The following NLRP9 variants were observed in gnomAD, a reference collection of about 807,000 sequenced individuals.
NLRP9 encodes NLR family pyrin domain containing 9, also known as NACHT, LRR and PYD domains-containing protein 9.
Under a neutral mutation model 83.1 loss-of-function variants are expected in NLRP9, and 88 were observed. The observed-to-expected ratio is 1.06, with a 90% confidence interval of 0.89 to 1.26. The LOEUF (loss-of-function observed/expected upper bound fraction) is 1.26. NLRP9 is among the 50% of genes most tolerant of loss of function. The pLI is 0.00. For missense variants in NLRP9, 1,308 were observed against 1,179.3 expected (o/e 1.11, Z -1.60); for synonymous variants, 521 against 447.6 (o/e 1.16, Z -2.07).
rs773321347 is a variant in NLRP9 at position 55,708,615 on chromosome 19, A to G, written c.*297T>C. On this transcript the variant is annotated 3_prime_UTR_variant, in exon 9 of 9. Transcript: ENST00000332836. ...CTCCTACACACCAAGACATCCATTA[A>G]GAAAATAAAGCCATGCTTTCCAGAG... 7 of 222,242 alleles carry G rather than the reference A, an allele frequency of 3.1e-5. No individual in the cohort carries two copies. Among genetic ancestry groups the G allele is most frequent in the Non-Finnish European group, 5.3e-5 (6 of 114,226 alleles). 13.8% of individuals were successfully genotyped at this position (222,242 alleles called of 1,614,324 possible).
chr19:55,718,784 T>A (rs1294490024), intron 4 of NLRP9, among the ~76,000 whole-genome samples: 1 of 152,214 alleles, frequency 6.6e-6, no homozygotes, highest in African/African-American at 2.4e-5. Flanking sequence ...GGGCCCACTG[T>A]TCTTTCTCTA....
At chr19:55,719,137 G>A (rs1277321184) in intron 4 of NLRP9, among the ~76,000 whole-genome samples, 1 of 152,164 alleles carries the variant, frequency 6.6e-6, no homozygotes, top group Admixed American at 6.6e-5. Context: ...ATACATGGGG[G>A]TTCCCCTGAC....
At chr19:55,718,862 G>C (rs568436130) in intron 4 of NLRP9, among the ~76,000 whole-genome samples, 5 of 152,210 alleles carry the variant, frequency 3.3e-5, no homozygotes, top group Admixed American at 2.0e-4. Context: ...ATACCCACAG[G>C]TGTGGAGGGG....
intron 4 of NLRP9, 27 bp from the exon 5 acceptor site, chr19:55,716,925 C>A: frequency 6.3e-7 from 1 of 1,599,092 alleles, no homozygotes; most frequent in South Asian, 1.1e-5. Flanking sequence ...CACCATGAGA[C>A]GGACCAAAGC....
At chr19:55,710,398 G>A (rs1364926807) in intron 8 of NLRP9, among the ~76,000 whole-genome samples, 3 of 151,964 alleles carry the variant, frequency 2.0e-5, no homozygotes, top group African/African-American at 7.3e-5. Flanking sequence ...GTTTTGCTGT[G>A]CCCCCTTCAC....
chr19:55,712,059 C>CGGCAG (rs1170562838), intron 7 of NLRP9, 89 bp from the exon 8 acceptor site: 5 of 1,293,708 alleles, frequency 3.9e-6, no homozygotes, highest in Non-Finnish European at 5.5e-6. Context: ...ACACACCTCC[C>CGGCAG]GGCAGGACGC....
rs1987964550 is a variant in NLRP9 at position 55,715,239 on chromosome 19, C to A, written c.2331-14G>T. 3 of 1,609,514 alleles carry A rather than the reference C, an allele frequency of 1.9e-6. No individual in the cohort carries two copies. The highest frequency in any genetic ancestry group is 2.5e-6 in the Non-Finnish European group (3 of 1,177,534). Reference sequence around the variant, plus strand: ...CAGTACATCAACCTGCAAAGAAACACACCGTCTCCCAGCCTGCTGAACAGC... The same window carrying A: ...CAGTACATCAACCTGCAAAGAAACAAACCGTCTCCCAGCCTGCTGAACAGC... On this transcript the variant is annotated splice_polypyrimidine_tract_variant and intron_variant, in intron 5 of 8. Transcript: ENST00000332836.
intron 8 of NLRP9, among the ~76,000 whole-genome samples, chr19:55,710,961 C>T (rs1987687082): frequency 1.3e-5 from 2 of 152,086 alleles, no homozygotes; most frequent in South Asian, 4.2e-4. Context: ...TGGTGAGTGC[C>T]TGTAATCCCA....
intron 1 of NLRP9, among the ~76,000 whole-genome samples, chr19:55,734,273 A>G (rs903689417): frequency 6.7e-6 from 1 of 149,438 alleles, no homozygotes; most frequent in African/African-American, 2.5e-5. Context: ...CTGAGGCACA[A>G]GAATTGCTTG....
At chr19:55,736,369 C>T (rs774080286) in intron 1 of NLRP9, among the ~76,000 whole-genome samples, 5 of 152,018 alleles carry the variant, frequency 3.3e-5, no homozygotes, top group Non-Finnish European at 5.9e-5. Flanking sequence ...CCAGCCTGGG[C>T]GACAGAGCGA....
rs1988360473 is a variant in NLRP9, at chr19:55,725,110, T to C, written c.1995-966A>G. 3.9e-5 allele frequency among the ~76,000 whole-genome samples: 6 copies of C among 152,218 alleles called. No homozygotes were observed. In the South Asian group the frequency reaches 1.0e-3, roughly 26 times the overall value. The stretch of plus-strand genomic sequence containing the variant: ...TAATGCCTGGAACATGGTCAATTCA[T>C]GCTGGCTTTTATTTTAATATCTACA... On this transcript the variant is annotated intron_variant, in intron 3 of 8. Transcript: ENST00000332836.
Position 55,732,544 on chromosome 19 carries a change from C to T in NLRP9, c.1287G>A (p.Val429=), listed in dbSNP as rs759935230. The T allele has an allele frequency of 1.9e-6, 3 of 1,614,092 alleles. No individual in the cohort carries two copies. Among genetic ancestry groups the T allele is most frequent in the Admixed American group, 1.7e-5 (1 of 59,996 alleles). Reference sequence around the variant, plus strand: ...CTCTCCTTTGGAGGAGTCTCATACCCACCCACATCACGCCCTCAGACTCAG... The same window carrying T: ...CTCTCCTTTGGAGGAGTCTCATACCTACCCACATCACGCCCTCAGACTCAG... ...GLSESEGVMW[V]GMRLLQRRGD... is the part of the protein sequence containing the mutation. Residue 429 remains valine (V), a synonymous_variant, in exon 2 of 9, where the codon GTG becomes GTA. Transcript: ENST00000332836.
intron 3 of NLRP9, 60 bp from the exon 4 acceptor site, chr19:55,724,204 A>C: frequency 8.6e-7 from 1 of 1,169,464 alleles, no homozygotes; most frequent in Non-Finnish European, 1.2e-6. Context: ...AAAGACAGAC[A>C]CCTCTTGTAC....
At chr19:55,711,105 A>AAC (rs1568590687) in intron 8 of NLRP9, among the ~76,000 whole-genome samples, 2 of 111,708 alleles carry the variant, frequency 1.8e-5, no homozygotes, top group Non-Finnish European at 3.6e-5. Flanking sequence ...AAACAAAACA[A>AAC]AACAAAAAAA....
chr19:55,732,848 C>CCATTAT lies in NLRP9; in HGVS notation c.977_982dup (p.Asp326_Asn327dup). On this transcript the variant is annotated inframe_insertion, in exon 2 of 9. Coordinates refer to ENST00000332836, the MANE Select transcript of NLRP9 (RefSeq NM_176820.4). ...ATTATGGCACAAGATAAACAGCGGCCCATTATCTCTCACAAAATTGAAGAC... is the reference window on the plus strand; with the variant it reads ...ATTATGGCACAAGATAAACAGCGGCCCATTATCATTATCTCTCACAAAATTGAAGAC... 1 of 1,614,054 alleles carries CCATTAT rather than the reference C, an allele frequency of 6.2e-7. No individual in the cohort carries two copies. The highest frequency in any genetic ancestry group is 8.5e-7 in the Non-Finnish European group (1 of 1,179,980).
At chr19:55,736,000 A>G (rs562629859) in intron 1 of NLRP9, among the ~76,000 whole-genome samples, 1 of 152,136 alleles carries the variant, frequency 6.6e-6, no homozygotes, top group East Asian at 1.9e-4. Flanking sequence ...ACCCTATGCT[A>G]TTTAATTGAA....
At chr19:55,723,460 T>C (rs1478757426) in intron 4 of NLRP9, among the ~76,000 whole-genome samples, 1 of 152,144 alleles carries the variant, frequency 6.6e-6, no homozygotes, top group African/African-American at 2.4e-5. Flanking sequence ...GTGGCTCATG[T>C]GAAGTACTGT....
At chr19:55,710,745 G>C (rs532101956) in intron 8 of NLRP9, among the ~76,000 whole-genome samples, 113 of 152,258 alleles carry the variant, frequency 7.4e-4, no homozygotes, top group African/African-American at 2.6e-3. Context: ...TATGCTTCTT[G>C]TACAGCCTGC....
At position 55,722,145 on chromosome 19, in the gene NLRP9, C is replaced by T. The variant is rs957334927; in HGVS notation, c.2159+1835G>A. Among the ~76,000 whole-genome samples the T allele has an allele frequency of 2.7e-5, 4 of 149,678 alleles. No homozygotes were observed. The Admixed American group carries it at 2.7e-4, about 10-fold the overall frequency. ...GCTAGAGAGAACCTGACTTTGAAGACCTTCCACCACCAATACCACACTGAA... is the reference window on the plus strand; with the variant it reads ...GCTAGAGAGAACCTGACTTTGAAGATCTTCCACCACCAATACCACACTGAA... On this transcript the variant is annotated intron_variant, in intron 4 of 8. Transcript: ENST00000332836.
Sources: gnomAD v4.1 joint callset for allele counts (sites outside exome capture counted in the v4.1 genomes callset) on GRCh38, gnomAD v4.1.1 for gene constraint, MANE v1.5 for transcripts, NCBI Gene and HGNC (gene_info 2026-07-23, HGNC 2026-07-21) for gene names.